Variants in ENPP1 observed in about 807,000 individuals in gnomAD.
ENPP1 encodes ectonucleotide pyrophosphatase/phosphodiesterase family member 1.
In ENPP1, 73 loss-of-function variants were observed where a neutral mutation model predicts 122.8. The ratio of observed to expected loss-of-function variants is 0.59; its 90% CI spans 0.49 to 0.72. The LOEUF (loss-of-function observed/expected upper bound fraction) is 0.72, where lower values mean the gene tolerates loss of function less well. Ranked by LOEUF, ENPP1 falls within the 30% of genes least tolerant of loss-of-function variation. The pLI is 0.00. For synonymous variants in ENPP1, 367 were observed against 391.6 expected (o/e 0.94, Z 0.74); for missense variants, 978 against 1,128.1 (o/e 0.87, Z 1.91).
At chr6:131,835,423 C>T (rs1030719047) in intron 1 of ENPP1, among the ~76,000 whole-genome samples, 12 of 152,082 alleles carry the variant, frequency 7.9e-5, no homozygotes, top group African/African-American at 1.4e-4. Flanking sequence ...AAATATCAGG[C>T]GTACTAAAAT....
intron 9 of ENPP1, 46 bp from the exon 10 acceptor site, chr6:131,864,460 A>G (rs749780286): frequency 1.5e-6 from 2 of 1,302,000 alleles, no homozygotes; most frequent in East Asian, 2.3e-5. Flanking sequence ...TTTTACACCC[A>G]AACAATTGTC....
intron 1 of ENPP1, among the ~76,000 whole-genome samples, chr6:131,837,304 T>G (rs925005596): frequency 2.0e-5 from 3 of 151,684 alleles, no homozygotes; most frequent in Non-Finnish European, 4.4e-5. Context: ...GGCGGGCAGA[T>G]CACCTGAGGT....
chr6:131,826,195 C>T, intron 1 of ENPP1: 1 of 907,744 alleles, frequency 1.1e-6, no homozygotes, highest in Non-Finnish European at 1.9e-6. Flanking sequence ...GCTACTTTTC[C>T]CCAAAGGTAA....
chr6:131,826,603 A>G, intron 1 of ENPP1: 1 of 1,020,016 alleles, frequency 9.8e-7, no homozygotes, highest in South Asian at 1.3e-5. Context: ...AATGCATTCC[A>G]GGTCACAGCT....
At chr6:131,859,611 G>A (rs1030763856) in intron 7 of ENPP1, among the ~76,000 whole-genome samples, 1 of 22,516 alleles carries the variant, frequency 4.4e-5, no homozygotes. Flanking sequence ...GGGGCGGATG[G>A]GGGGAATGTG....
chr6:131,862,638 C>T (rs1278340914), intron 9 of ENPP1, among the ~76,000 whole-genome samples: 1 of 152,126 alleles, frequency 6.6e-6, no homozygotes, highest in Non-Finnish European at 1.5e-5. Context: ...ATCTCCTGTT[C>T]CTGGGATTGC....
At position 131,869,386 on chromosome 6, in the gene ENPP1, C is replaced by T. The variant is rs1562180280; in HGVS notation, c.1302C>T (p.Tyr434=). The T allele has an allele frequency of 1.9e-6, 3 of 1,612,802 alleles. No homozygotes were observed. The highest frequency in any genetic ancestry group is 1.1e-5 in the South Asian group (1 of 91,052). ...TGGAACAAGGCAGTTGTAAGAAATA[C>T]ATATATCTGAATAAATATTTGGGGG... ...HGMEQGSCKK[Y]IYLNKYLGDV... Residue 434 remains tyrosine, a synonymous_variant, in exon 13 of 25, where the codon TAC becomes TAT. Coordinates refer to ENST00000647893, the MANE Select transcript of ENPP1 (RefSeq NM_006208.3).
intron 19 of ENPP1, among the ~76,000 whole-genome samples, chr6:131,879,358 G>T (rs1289957565): frequency 6.6e-6 from 1 of 152,026 alleles, no homozygotes; most frequent in African/African-American, 2.4e-5. Context: ...CTGTAAAATG[G>T]GCATATAACC....
At position 131,822,127 on chromosome 6, in the gene ENPP1, G is replaced by A. The variant is rs531462494; in HGVS notation, c.240+13852G>A. ...GCAGGAAACAACTCTACTTGGACAC[G>A]ATTTATTTGAATACCTTACTAATCA... On this transcript the variant is annotated intron_variant, in intron 1 of 24. Coordinates refer to ENST00000647893, the MANE Select transcript of ENPP1 (RefSeq NM_006208.3). Among the ~76,000 whole-genome samples the A allele has an allele frequency of 5.3e-5, 8 of 152,280 alleles. No individual in the cohort carries two copies. The South Asian group carries it at 1.7e-3, about 32-fold the overall frequency.
At chr6:131,826,136 G>A in intron 1 of ENPP1, 1 of 840,978 alleles carries the variant, frequency 1.2e-6, no homozygotes, top group Non-Finnish European at 2.1e-6. Flanking sequence ...ATGAACTCCA[G>A]ATGAGTAAGG....
chr6:131,809,218 T>G (rs966870594), intron 1 of ENPP1, among the ~76,000 whole-genome samples: 1 of 152,254 alleles, frequency 6.6e-6, no homozygotes, highest in Non-Finnish European at 1.5e-5. Flanking sequence ...TTGTATTATA[T>G]GGAAATCACA....
rs139800127 is a variant in ENPP1, at chr6:131,830,062, G to T, written c.241-17714G>T. 1.6e-3 allele frequency among the ~76,000 whole-genome samples: 242 copies of T among 152,274 alleles called. 2 individuals are homozygous for T. In the South Asian group the frequency reaches 0.019, roughly 12 times the overall value. On this transcript the variant is annotated intron_variant, in intron 1 of 24. Coordinates refer to ENST00000647893, the MANE Select transcript of ENPP1 (RefSeq NM_006208.3). Reference sequence around the variant, plus strand: ...GGGAAACAGACTATTAGATGGAAATGAGCATGCCTGGGATTTCATTAGAGT... The same window carrying T: ...GGGAAACAGACTATTAGATGGAAATTAGCATGCCTGGGATTTCATTAGAGT...
intron 1 of ENPP1, among the ~76,000 whole-genome samples, chr6:131,837,877 CATT>C (rs902045879): frequency 1.0e-3 from 153 of 152,206 alleles, no homozygotes; most frequent in African/African-American, 3.5e-3. Context: ...GCTCTTAAAT[CATT>C]GAGTTAATTT....
intron 1 of ENPP1, among the ~76,000 whole-genome samples, chr6:131,831,244 A>G (rs1474022158): frequency 1.3e-5 from 2 of 152,072 alleles, no homozygotes; most frequent in African/African-American, 4.8e-5. Flanking sequence ...TTTCCTTTCA[A>G]TAAACATACT....
At chr6:131,858,874 C>T in intron 7 of ENPP1, 127 bp downstream of exon 7, 1 of 751,362 alleles carries the variant, frequency 1.3e-6, no homozygotes. Flanking sequence ...AGTAAGGAAA[C>T]CCAGGTTCTG....
chr6:131,861,829 A>G (rs1782026774), intron 9 of ENPP1, 125 bp downstream of exon 9: 1 of 676,294 alleles, frequency 1.5e-6, no homozygotes, highest in Non-Finnish European at 2.7e-6. Flanking sequence ...TGAGAACTGA[A>G]GAACTCTTTC....
intron 1 of ENPP1, among the ~76,000 whole-genome samples, chr6:131,837,173 TGTG>T (rs1279298010): frequency 1.3e-4 from 2 of 15,194 alleles, no homozygotes; most frequent in Admixed American, 4.8e-4. Flanking sequence ...CTGTTGTCAT[TGTG>T]TGTGTGTGTG....
intron 1 of ENPP1, among the ~76,000 whole-genome samples, chr6:131,821,431 C>T (rs1033899960): frequency 7.9e-5 from 12 of 152,192 alleles, no homozygotes; most frequent in Non-Finnish European, 1.5e-4. Flanking sequence ...TTGGTGCTAC[C>T]GCTGGTTGCA....
intron 11 of ENPP1, among the ~76,000 whole-genome samples, chr6:131,866,297 G>A (rs144721405): frequency 0.019 from 2,913 of 152,044 alleles, 42 homozygotes; most frequent in Non-Finnish European, 0.025. Flanking sequence ...CAGTTCTCCC[G>A]CCCAGGTAGC....
Sources: gnomAD v4.1 joint callset for allele counts (sites outside exome capture counted in the v4.1 genomes callset) on GRCh38, gnomAD v4.1.1 for gene constraint, MANE v1.5 for transcripts, NCBI Gene and HGNC (gene_info 2026-07-23, HGNC 2026-07-21) for gene names.